Variants in CDH12 observed in about 807,000 individuals in gnomAD.
The protein encoded by CDH12 is cadherin 12.
CDH12 carries 41 observed loss-of-function variants against 74.1 expected under a neutral mutation model. That is an observed-to-expected ratio of 0.55 (90% CI 0.43 to 0.72). The LOEUF is 0.72. CDH12 is among the 30% of genes least tolerant of loss of function. The pLI, the probability that CDH12 is intolerant of heterozygous loss-of-function variation, is 0.00. For synonymous variants in CDH12, 399 were observed against 355.0 expected (o/e 1.12, Z -1.39); for missense variants, 945 against 977.2 (o/e 0.97, Z 0.44).
chr5:22,544,982 AG>A (rs1738252510), intron 1 of CDH12, among the ~76,000 whole-genome samples: 2 of 151,770 alleles, frequency 1.3e-5, no homozygotes, highest in Admixed American at 1.3e-4. Context: ...GCAAAAAAAA[AG>A]ACTATTCCAT....
chr5:22,452,667 G>GT (rs1471199988), intron 2 of CDH12, among the ~76,000 whole-genome samples: 1 of 151,574 alleles, frequency 6.6e-6, no homozygotes, highest in Non-Finnish European at 1.5e-5. Flanking sequence ...CTGGGTAAGG[G>GT]TTTTTTTAGA....
chr5:21,996,386 C>A (rs1448316249), intron 5 of CDH12, among the ~76,000 whole-genome samples: 1 of 152,160 alleles, frequency 6.6e-6, no homozygotes, highest in Non-Finnish European at 1.5e-5. Flanking sequence ...ACCAAATGGT[C>A]TTCATGCATG....
intron 1 of CDH12, among the ~76,000 whole-genome samples, chr5:22,630,910 G>A (rs1457824216): frequency 6.6e-6 from 1 of 152,092 alleles, no homozygotes; most frequent in Non-Finnish European, 1.5e-5. Context: ...ATAGTGTCCA[G>A]AATCTATAAG....
chr5:22,806,446 G>A lies in CDH12; in HGVS notation c.-523+46612C>T, dbSNP rs573399660. Among the ~76,000 whole-genome samples, 10 of 149,598 alleles carry A rather than the reference G, an allele frequency of 6.7e-5. No individual in the cohort carries two copies. The South Asian group carries it at 8.5e-4, about 13-fold the overall frequency. Reference sequence around the variant, plus strand: ...CGGCTCACTGCAAGCTCCGCCTCCCGGGTTCACGCCATTCTCCTGCCTCAG... The same window carrying A: ...CGGCTCACTGCAAGCTCCGCCTCCCAGGTTCACGCCATTCTCCTGCCTCAG... On this transcript the variant is annotated intron_variant, in intron 1 of 14. Transcript: ENST00000382254.
At chr5:21,879,317 C>T (rs1200877869) in intron 6 of CDH12, among the ~76,000 whole-genome samples, 2 of 152,058 alleles carry the variant, frequency 1.3e-5, no homozygotes, top group African/African-American at 4.8e-5. Flanking sequence ...TTAAGCAGCA[C>T]ATTAAAAGAA....
At chr5:21,808,363 TAG>T in intron 9 of CDH12, among the ~76,000 whole-genome samples, 1 of 152,062 alleles carries the variant, frequency 6.6e-6, no homozygotes, top group Non-Finnish European at 1.5e-5. Context: ...TCAATTTTTA[TAG>T]TAAGCCTATA....
intron 4 of CDH12, among the ~76,000 whole-genome samples, chr5:22,159,920 T>TGC: frequency 6.6e-6 from 1 of 151,860 alleles, no homozygotes; most frequent in Non-Finnish European, 1.5e-5. Context: ...TGTGTGCGTG[T>TGC]GTGCGTGCAT....
chr5:21,882,502 A>G, intron 6 of CDH12: 1 of 757,498 alleles, frequency 1.3e-6, no homozygotes, highest in East Asian at 2.6e-5. Context: ...TTTGCTTTTT[A>G]AAAGTGATAT....
chr5:22,674,463 C>G (rs1285411552), intron 1 of CDH12, among the ~76,000 whole-genome samples: 2 of 152,098 alleles, frequency 1.3e-5, no homozygotes, highest in Non-Finnish European at 2.9e-5. Context: ...GTAAATTGCC[C>G]AGTCTCACGT....
At chr5:22,273,503 ATTC>A (rs1307408763) in intron 3 of CDH12, among the ~76,000 whole-genome samples, 2 of 152,312 alleles carry the variant, frequency 1.3e-5, no homozygotes, top group East Asian at 3.9e-4. Context: ...TGATTAATTA[ATTC>A]TTATATTAGC....
chr5:21,842,328 C>A lies in CDH12; in HGVS notation c.647G>T (p.Gly216Val), dbSNP rs1426739224. 6.3e-7 allele frequency: 1 copy of A among 1,588,242 alleles called. No individual in the cohort carries two copies. Among genetic ancestry groups the A allele is most frequent in the Non-Finnish European group, 8.6e-7 (1 of 1,166,596 alleles). ...GTTTGGCAAAGCTGTTCTAATAACA[C>A]CTTAAGGGATAAAAGCAATAATGTA... ...QPYFSIDPKT[G>V]VIRTALPNMD... The change falls in exon 8 of 15, where the codon GGT becomes GTT. Residue 216 changes from glycine to valine, a missense_variant and splice_region_variant. By Grantham distance (109) the Gly-to-Val change is moderately radical. Transcript: ENST00000382254.
chr5:22,170,978 A>G (rs1748988476), intron 4 of CDH12, among the ~76,000 whole-genome samples: 1 of 151,906 alleles, frequency 6.6e-6, no homozygotes, highest in South Asian at 2.1e-4. Flanking sequence ...TAGTAGATAT[A>G]TGCTTAAAAA....
chr5:22,697,094 G>T (rs544802694), intron 1 of CDH12, among the ~76,000 whole-genome samples: 66 of 152,256 alleles, frequency 4.3e-4, no homozygotes, highest in African/African-American at 1.5e-3. Context: ...TCCCTTTAGA[G>T]CACGATTATA....
chr5:22,820,481 A>G (rs1445306765), intron 1 of CDH12, among the ~76,000 whole-genome samples: 2 of 152,064 alleles, frequency 1.3e-5, no homozygotes, highest in Admixed American at 6.6e-5. Context: ...AAATCGATAG[A>G]CCGCTAGCAA....
intron 6 of CDH12, among the ~76,000 whole-genome samples, chr5:21,888,090 C>T (rs1010804108): frequency 6.6e-6 from 1 of 152,000 alleles, no homozygotes; most frequent in Non-Finnish European, 1.5e-5. Flanking sequence ...CTACATTAGC[C>T]GGGCCTGGGG....
intron 3 of CDH12, among the ~76,000 whole-genome samples, chr5:22,289,216 T>A (rs774747062): frequency 6.6e-6 from 1 of 152,140 alleles, no homozygotes; most frequent in African/African-American, 2.4e-5. Flanking sequence ...AAACAAGTCG[T>A]AATACCCTGA....
rs191835143 is a variant in CDH12 at position 22,740,269 on chromosome 5, G to A, written c.-523+112789C>T. 2.7e-3 allele frequency among the ~76,000 whole-genome samples: 412 copies of A among 152,018 alleles called. 4 individuals carry two copies. The highest frequency in any genetic ancestry group is 9.6e-3 in the African/African-American group (399 of 41,512). On this transcript the variant is annotated intron_variant, in intron 1 of 14. Coordinates refer to ENST00000382254, the MANE Select transcript of CDH12 (RefSeq NM_004061.5). ...ACTTTACATAACGTGGATCTTACTA[G>A]CTCTCTTTATAGGGGATTTTCTTTG...
chr5:22,451,672 T>G (rs1745051232), intron 2 of CDH12, among the ~76,000 whole-genome samples: 1 of 151,982 alleles, frequency 6.6e-6, no homozygotes, highest in South Asian at 2.1e-4. Context: ...GATGTCTACT[T>G]TCAACATTTC....
chr5:22,714,678 A>G (rs1438135042), intron 1 of CDH12, among the ~76,000 whole-genome samples: 2 of 152,232 alleles, frequency 1.3e-5, no homozygotes, highest in Non-Finnish European at 2.9e-5. Context: ...CACATCAGAC[A>G]GCTAATTTAT....
Sources: gnomAD v4.1 joint callset for allele counts (sites outside exome capture counted in the v4.1 genomes callset) on GRCh38, gnomAD v4.1.1 for gene constraint, MANE v1.5 for transcripts, NCBI Gene and HGNC (gene_info 2026-07-23, HGNC 2026-07-21) for gene names.